The following RAD54L2 variants were observed in gnomAD, a reference collection of about 807,000 sequenced individuals.
RAD54L2 encodes the protein RAD54 like 2, also known as helicase ARIP4.
A neutral mutation model predicts 138.4 loss-of-function variants in RAD54L2; 27 were observed. That is an observed-to-expected ratio of 0.20 (90% CI 0.14 to 0.27). The LOEUF (loss-of-function observed/expected upper bound fraction) is 0.27, where lower values mean the gene tolerates loss of function less well. RAD54L2 is among the 10% of genes least tolerant of loss of function. RAD54L2 has a pLI of 1.00. For synonymous variants in RAD54L2, 644 were observed against 723.2 expected (o/e 0.89, Z 1.76); for missense variants, 1,396 against 1,890.2 (o/e 0.74, Z 4.85).
chr3:51,652,565 G>A (rs1266779039), intron 19 of RAD54L2, among the ~76,000 whole-genome samples: 6 of 152,098 alleles, frequency 3.9e-5, no homozygotes, highest in African/African-American at 7.2e-5. Context: ...GCATGGTACT[G>A]GTACCAAAAC....
At chr3:51,576,970 T>C (rs1699494231) in intron 2 of RAD54L2, among the ~76,000 whole-genome samples, 2 of 152,230 alleles carry the variant, frequency 1.3e-5, no homozygotes, top group African/African-American at 4.8e-5. Flanking sequence ...CTGCTTTCTC[T>C]TGTGGGCATT....
chr3:51,651,151 T>G (rs1050818417), intron 19 of RAD54L2, among the ~76,000 whole-genome samples: 1 of 152,162 alleles, frequency 6.6e-6, no homozygotes, highest in Non-Finnish European at 1.5e-5. Flanking sequence ...GAGAATACTC[T>G]AAACACCTCT....
At chr3:51,629,600 T>C (rs1449713157) in intron 5 of RAD54L2, 127 bp downstream of exon 5, 16 of 1,213,816 alleles carry the variant, frequency 1.3e-5, no homozygotes, top group Non-Finnish European at 1.8e-5. Context: ...GGCTCACGCC[T>C]GTAATCCCAG....
rs71084151 is a variant in RAD54L2 at position 51,592,054 on chromosome 3, G to GTT, written c.139+1523_139+1524dup. On this transcript the variant is annotated intron_variant, in intron 3 of 22. Transcript: ENST00000684192. ...TGTAGCTGTGCAATTTGGTTTTGGTGTTTTTTTTTTTTTTTTTTTTTTTTT... is the reference window on the plus strand; with the variant it reads ...TGTAGCTGTGCAATTTGGTTTTGGTGTTTTTTTTTTTTTTTTTTTTTTTTTTT... 9.3e-4 allele frequency among the ~76,000 whole-genome samples: 62 copies of GTT among 66,870 alleles called. 5 individuals carry two copies. Among genetic ancestry groups the GTT allele is most frequent in the South Asian group, 8.4e-3 (10 of 1,192 alleles). 43.9% of individuals were successfully genotyped at this position (66,870 alleles called of 152,430 possible).
chr3:51,625,585 G>A, intron 3 of RAD54L2, among the ~76,000 whole-genome samples: 1 of 152,132 alleles, frequency 6.6e-6, no homozygotes, highest in East Asian at 1.9e-4. Context: ...GAGGCTTGGT[G>A]CAGTGGCTCA....
At chr3:51,571,146 A>G (rs1699329593) in intron 2 of RAD54L2, among the ~76,000 whole-genome samples, 1 of 152,146 alleles carries the variant, frequency 6.6e-6, no homozygotes, top group African/African-American at 2.4e-5. Context: ...TTTGAACTAA[A>G]TAAATTGTTT....
chr3:51,585,812 C>G (rs1255858341), intron 2 of RAD54L2, among the ~76,000 whole-genome samples: 1 of 152,100 alleles, frequency 6.6e-6, no homozygotes, highest in Admixed American at 6.6e-5. Flanking sequence ...ATAGCTAGTT[C>G]TCCAGTTTCA....
At chr3:51,630,602 A>T in intron 6 of RAD54L2, 103 bp from the exon 7 acceptor site, 1 of 1,077,438 alleles carries the variant, frequency 9.3e-7, no homozygotes, top group Non-Finnish European at 1.3e-6. Context: ...ATAAGTGTTG[A>T]CAAGTTCTAA....
chr3:51,566,123 C>T (rs2106650422), intron 2 of RAD54L2, among the ~76,000 whole-genome samples: 1 of 152,350 alleles, frequency 6.6e-6, no homozygotes, highest in African/African-American at 2.4e-5. Context: ...CCACTGCGCC[C>T]AGCACTGAGC....
At chr3:51,563,945 C>T (rs1699157175) in intron 2 of RAD54L2, among the ~76,000 whole-genome samples, 1 of 152,184 alleles carries the variant, frequency 6.6e-6, no homozygotes, top group African/African-American at 2.4e-5. Flanking sequence ...TTTTTTAAAA[C>T]ATGCCACTTC....
chr3:51,666,209 T>TA lies in RAD54L2; in HGVS notation c.*2792dup, dbSNP rs55732988. ...TTTTTTTTTTTTTTTTTTTTTTTTT[T>TA]AAAGAAAATAACCTGAAAACACTTC... On this transcript the variant is annotated 3_prime_UTR_variant, in exon 23 of 23. Transcript: ENST00000684192. The TA allele has an allele frequency of 1.8e-3, 216 of 122,742 alleles. 2 individuals carry two copies. Among genetic ancestry groups the TA allele is most frequent in the African/African-American group, 6.5e-3 (195 of 30,192 alleles). 7.6% of individuals were successfully genotyped at this position (122,742 alleles called of 1,614,324 possible).
At chr3:51,648,637 C>T (rs1336782431) in intron 19 of RAD54L2, among the ~76,000 whole-genome samples, 1 of 152,192 alleles carries the variant, frequency 6.6e-6, no homozygotes, top group African/African-American at 2.4e-5. Flanking sequence ...TGTTCTGCAG[C>T]CTCTGCTGGT....
chr3:51,619,052 TTTTGTTTGTTTG>T (rs576578454), intron 3 of RAD54L2, among the ~76,000 whole-genome samples: 1 of 151,982 alleles, frequency 6.6e-6, no homozygotes. Context: ...GCACTATCTT[TTTTGTTTGTTTG>T]TTTGTTTGTT....
rs1470809555 is a variant in RAD54L2, at chr3:51,645,304, G to A, written c.2656+75G>A. 12 of 1,423,266 alleles carry A rather than the reference G, an allele frequency of 8.4e-6. No homozygotes were observed. Among genetic ancestry groups the A allele is most frequent in the Non-Finnish European group, 1.1e-5 (11 of 1,031,144 alleles). The allele number at this position is 1,423,266 out of a possible 1,614,324, so 88.2% of individuals were successfully genotyped here. A position where few individuals can be genotyped will look rare whatever the true frequency, so the allele number is the denominator to read the frequency against. Reference sequence around the variant, plus strand: ...CCTTTTAGTATCAAGGGTGGGAGAGGAGCAGGATATGGGAACACAGGCAGG... The same window carrying A: ...CCTTTTAGTATCAAGGGTGGGAGAGAAGCAGGATATGGGAACACAGGCAGG... On this transcript the variant is annotated intron_variant, in intron 17 of 22. Transcript: ENST00000684192. The surrounding 1 kb of genome is among the most constrained non-coding windows in gnomAD (Gnocchi z 6.1).
At chr3:51,547,383 A>C (rs1698724239) in intron 2 of RAD54L2, among the ~76,000 whole-genome samples, 1 of 152,000 alleles carries the variant, frequency 6.6e-6, no homozygotes, top group East Asian at 1.9e-4. Context: ...CTCAAAAAAA[A>C]AAAAGGAAGA....
intron 22 of RAD54L2, among the ~76,000 whole-genome samples, chr3:51,661,194 T>C (rs899309601): frequency 1.3e-5 from 2 of 151,934 alleles, no homozygotes; most frequent in African/African-American, 4.8e-5. Flanking sequence ...ACTCCTGACC[T>C]CAAGTGATCC....
At position 51,645,781 on chromosome 3, in the gene RAD54L2, A is replaced by T; in HGVS notation, c.2829+18A>T. 1 of 1,595,782 alleles carries T rather than the reference A, an allele frequency of 6.3e-7. No individual in the cohort carries two copies. Among genetic ancestry groups the T allele is most frequent in the Non-Finnish European group, 8.5e-7 (1 of 1,171,640 alleles). The stretch of plus-strand genomic sequence containing the variant: ...TCACCAAGGTAAGAACTTGGTATGC[A>T]TGCAATCCCCAGAGTGGCAGTCTCT... On this transcript the variant is annotated intron_variant, in intron 18 of 22. Coordinates refer to ENST00000684192, the MANE Select transcript of RAD54L2 (RefSeq NM_015106.4). This position sits in a 1 kb window ranked among gnomAD's most constrained non-coding sequence, Gnocchi z 6.1.
chr3:51,643,935 C>T lies in RAD54L2; in HGVS notation c.2411C>T (p.Pro804Leu). Residue 804 changes from proline to leucine, a missense_variant, in exon 16 of 23, where the codon CCC becomes CTC. By Grantham distance (98) the Pro-to-Leu change is moderately conservative. This residue lies in a region of RAD54L2 where 78 missense variants were observed against 171.6 expected (regional missense o/e 0.45). Coordinates refer to ENST00000684192, the MANE Select transcript of RAD54L2 (RefSeq NM_015106.4). ...RERLINQFNDPSNLTTWLFLL... is the reference protein window; with the variant it reads ...RERLINQFNDLSNLTTWLFLL... ...CGGCTTATTAATCAGTTCAATGATC[C>T]CAGCAACCTCACCACCTGGCTGTTC... The T allele has an allele frequency of 1.2e-6, 2 of 1,606,880 alleles. No individual in the cohort carries two copies. Among genetic ancestry groups the T allele is most frequent in the South Asian group, 1.1e-5 (1 of 89,040 alleles).
At chr3:51,580,008 A>G (rs1699570509) in intron 2 of RAD54L2, among the ~76,000 whole-genome samples, 1 of 152,110 alleles carries the variant, frequency 6.6e-6, no homozygotes, top group African/African-American at 2.4e-5. Context: ...TTCTCTGGAC[A>G]CCAACTAGAT....
Sources: gnomAD v4.1 joint callset for allele counts (sites outside exome capture counted in the v4.1 genomes callset) on GRCh38, gnomAD v4.1.1 for gene constraint, gnomAD v4.1.1 regional missense constraint, Gnocchi (gnomAD v3.1) non-coding constraint, MANE v1.5 for transcripts, NCBI Gene and HGNC (gene_info 2026-07-23, HGNC 2026-07-21) for gene names.